Variants in KCNH5 observed in about 807,000 individuals in gnomAD.
KCNH5 encodes voltage-gated delayed rectifier potassium channel KCNH5.
Under a neutral mutation model 96.1 loss-of-function variants are expected in KCNH5, and 46 were observed. That is an observed-to-expected ratio of 0.48 (90% confidence interval 0.38 to 0.61). The LOEUF is 0.61. Among genes scored for constraint, KCNH5 ranks in the 20% least tolerant of loss-of-function variants. The probability of loss-of-function intolerance (pLI) is 0.00; values close to 1 mark genes in which losing one functional copy is unlikely to be tolerated. For synonymous variants in KCNH5, 439 were observed against 449.8 expected (o/e 0.98, Z 0.30); for missense variants, 907 against 1,225.8 (o/e 0.74, Z 3.88).
At chr14:62,877,051 C>T (rs1055098854) in intron 7 of KCNH5, among the ~76,000 whole-genome samples, 2 of 152,130 alleles carry the variant, frequency 1.3e-5, no homozygotes, top group African/African-American at 4.8e-5. Context: ...AGATATGTGG[C>T]ATTATTTCTG....
chr14:62,820,661 G>C (rs913674475), intron 8 of KCNH5, among the ~76,000 whole-genome samples: 1 of 152,044 alleles, frequency 6.6e-6, no homozygotes, highest in South Asian at 2.1e-4. Context: ...CCTTGAAAAC[G>C]ACATGATCTC....
chr14:62,773,748 C>T (rs1886038615), intron 10 of KCNH5, among the ~76,000 whole-genome samples: 1 of 152,120 alleles, frequency 6.6e-6, no homozygotes, highest in East Asian at 1.9e-4. Flanking sequence ...CTTATTGTAG[C>T]CAGCAGTATT....
chr14:62,776,781 G>T (rs1314178899), intron 10 of KCNH5, among the ~76,000 whole-genome samples: 1 of 152,202 alleles, frequency 6.6e-6, no homozygotes, highest in Non-Finnish European at 1.5e-5. Context: ...GGTAGGAAGA[G>T]CTATATTCGC....
chr14:62,926,863 C>G (rs538637571), intron 7 of KCNH5, among the ~76,000 whole-genome samples: 1 of 152,224 alleles, frequency 6.6e-6, no homozygotes, highest in Non-Finnish European at 1.5e-5. Flanking sequence ...GCATCTGCTT[C>G]TTTGGTTATG....
intron 1 of KCNH5, among the ~76,000 whole-genome samples, chr14:63,018,275 T>C (rs1424802034): frequency 6.6e-6 from 1 of 151,888 alleles, no homozygotes; most frequent in Non-Finnish European, 1.5e-5. Context: ...AGAAGTGTCT[T>C]ACAAGTCTAA....
chr14:62,782,762 G>T (rs1886246283), intron 9 of KCNH5, among the ~76,000 whole-genome samples: 1 of 152,116 alleles, frequency 6.6e-6, no homozygotes, highest in Non-Finnish European at 1.5e-5. Context: ...AGTGAGCTGA[G>T]ATTGTGCCAC....
chr14:62,764,529 C>G (rs560564156), intron 10 of KCNH5, among the ~76,000 whole-genome samples: 1 of 152,252 alleles, frequency 6.6e-6, no homozygotes, highest in South Asian at 2.1e-4. Flanking sequence ...CCAGGGCAAT[C>G]AGGCAAGAGA....
chr14:62,852,407 G>A (rs1052083649), intron 7 of KCNH5, among the ~76,000 whole-genome samples: 6 of 152,162 alleles, frequency 3.9e-5, no homozygotes, highest in South Asian at 4.1e-4. Flanking sequence ...AGATTCAATT[G>A]TATGTTTACA....
intron 7 of KCNH5, among the ~76,000 whole-genome samples, chr14:62,866,840 G>C (rs1888143346): frequency 1.3e-5 from 2 of 152,024 alleles, no homozygotes; most frequent in Non-Finnish European, 2.9e-5. Flanking sequence ...CCTGGTCTAG[G>C]TACTCCTCTC....
At chr14:62,969,393 A>T (rs971938632) in intron 6 of KCNH5, among the ~76,000 whole-genome samples, 2 of 152,370 alleles carry the variant, frequency 1.3e-5, no homozygotes, top group African/African-American at 4.8e-5. Context: ...CCATCATAAA[A>T]ATTAAAGCAG....
chr14:62,854,384 T>C (rs1187928013), intron 7 of KCNH5, among the ~76,000 whole-genome samples: 1 of 152,102 alleles, frequency 6.6e-6, no homozygotes, highest in Non-Finnish European at 1.5e-5. Flanking sequence ...CATATCAAAA[T>C]CTTACTACCA....
At chr14:63,044,922 G>A (rs1891894242) in intron 1 of KCNH5, among the ~76,000 whole-genome samples, 192 bp downstream of exon 1, 1 of 152,150 alleles carries the variant, frequency 6.6e-6, no homozygotes, top group African/African-American at 2.4e-5. Flanking sequence ...GGAAGGGGAT[G>A]CAACTAACTT....
intron 10 of KCNH5, among the ~76,000 whole-genome samples, chr14:62,740,168 A>G (rs535991308): frequency 6.6e-6 from 1 of 152,334 alleles, no homozygotes; most frequent in South Asian, 2.1e-4. Context: ...AGGAAGGAAT[A>G]AGATATCAAT....
chr14:62,757,624 A>C (rs2139951780), intron 10 of KCNH5, among the ~76,000 whole-genome samples: 1 of 152,082 alleles, frequency 6.6e-6, no homozygotes, highest in Admixed American at 6.6e-5. Flanking sequence ...AAAAAAAAAA[A>C]CCAAAAGAAT....
intron 7 of KCNH5, among the ~76,000 whole-genome samples, chr14:62,937,627 G>A (rs1049802663): frequency 6.6e-6 from 1 of 152,186 alleles, no homozygotes; most frequent in Admixed American, 6.5e-5. Context: ...GGAGGAGAAC[G>A]TGTGCAAATT....
intron 8 of KCNH5, among the ~76,000 whole-genome samples, chr14:62,837,401 A>G (rs1356959681): frequency 6.6e-6 from 1 of 152,234 alleles, no homozygotes; most frequent in Non-Finnish European, 1.5e-5. Context: ...ATATCAACAC[A>G]TACATCAATA....
intron 7 of KCNH5, among the ~76,000 whole-genome samples, chr14:62,941,264 C>A (rs1241880334): frequency 6.6e-6 from 1 of 152,018 alleles, no homozygotes; most frequent in Non-Finnish European, 1.5e-5. Context: ...GGAAAGTCAA[C>A]CTTTACAGAA....
chr14:63,041,610 T>G (rs1396196276), intron 1 of KCNH5, among the ~76,000 whole-genome samples: 1 of 152,308 alleles, frequency 6.6e-6, no homozygotes, highest in African/African-American at 2.4e-5. Context: ...CTAAGAATTA[T>G]TATAATTCCT....
chr14:62,975,914 C>G (rs146697928), intron 6 of KCNH5, among the ~76,000 whole-genome samples: 2 of 151,910 alleles, frequency 1.3e-5, no homozygotes, highest in Non-Finnish European at 2.9e-5. Context: ...AAATATATAT[C>G]CAGAAATATA....
Sources: gnomAD v4.1 joint callset for allele counts (sites outside exome capture counted in the v4.1 genomes callset) on GRCh38, gnomAD v4.1.1 for gene constraint, MANE v1.5 for transcripts, NCBI Gene and HGNC (gene_info 2026-07-23, HGNC 2026-07-21) for gene names.